The following ACSM1 variants were observed in gnomAD, a reference collection of about 807,000 sequenced individuals.
The protein encoded by ACSM1 is acyl-coenzyme A synthetase ACSM1, mitochondrial.
A neutral mutation model predicts 75.8 loss-of-function variants in ACSM1; 79 were observed. The observed-to-expected ratio is 1.04, with a 90% CI of 0.87 to 1.26. The LOEUF (loss-of-function observed/expected upper bound fraction) is 1.26. Ranked by LOEUF, ACSM1 falls within the 50% of genes most tolerant of loss-of-function variation. The pLI is 0.00. For synonymous variants in ACSM1, 279 were observed against 265.8 expected (o/e 1.05, Z -0.48); for missense variants, 676 against 720.1 (o/e 0.94, Z 0.70).
intron 1 of ACSM1, among the ~76,000 whole-genome samples, chr16:20,694,491 C>T (rs1244044295): frequency 3.9e-5 from 6 of 152,214 alleles, no homozygotes; most frequent in Admixed American, 3.3e-4. Flanking sequence ...CAACACACAC[C>T]TCCTTCCACA....
At chr16:20,625,724 C>A (rs2016885112) in intron 11 of ACSM1, among the ~76,000 whole-genome samples, 1 of 152,178 alleles carries the variant, frequency 6.6e-6, no homozygotes. Flanking sequence ...TGCGGTGCTC[C>A]CGGCTTCTTG....
intron 7 of ACSM1, among the ~76,000 whole-genome samples, chr16:20,653,986 G>A (rs1457109303): frequency 4.6e-5 from 7 of 152,154 alleles, no homozygotes; most frequent in African/African-American, 1.2e-4. Flanking sequence ...GAGGCATCGC[G>A]CTACCTGACT....
intron 1 of ACSM1, among the ~76,000 whole-genome samples, chr16:20,695,854 C>A (rs1172575327): frequency 6.6e-6 from 1 of 152,068 alleles, no homozygotes; most frequent in African/African-American, 2.4e-5. Context: ...TACATTTATA[C>A]CTATATCACT....
intron 7 of ACSM1, among the ~76,000 whole-genome samples, chr16:20,647,711 C>G (rs1567268136): frequency 1.3e-5 from 2 of 151,984 alleles, no homozygotes; most frequent in Non-Finnish European, 2.9e-5. Context: ...TGACATTTCT[C>G]TTTTACAAAA....
At chr16:20,660,594 T>G (rs540100335) in intron 7 of ACSM1, among the ~76,000 whole-genome samples, 2 of 152,326 alleles carry the variant, frequency 1.3e-5, no homozygotes, top group South Asian at 2.1e-4. Flanking sequence ...AACTTGGCTG[T>G]CATATGAGCT....
chr16:20,624,019 A>G, intron 13 of ACSM1, 77 bp downstream of exon 13: 5 of 1,579,486 alleles, frequency 3.2e-6, no homozygotes, highest in Non-Finnish European at 4.3e-6. Flanking sequence ...GCTGTTTGTT[A>G]CCTCCAGTGA....
chr16:20,636,199 T>A (rs1356919236), intron 10 of ACSM1, among the ~76,000 whole-genome samples: 1 of 152,198 alleles, frequency 6.6e-6, no homozygotes, highest in Non-Finnish European at 1.5e-5. Context: ...TTGTGGCCAT[T>A]CCTATCCTGG....
Position 20,648,974 on chromosome 16 carries a change from G to T in ACSM1, c.993-8390C>A, listed in dbSNP as rs1192842452. ...ATTGATTGAGACTTATCTCAGTATT[G>T]GTTTGTAGTATGAAAATTTCTGTAA... On this transcript the variant is annotated intron_variant, in intron 7 of 13. Coordinates refer to ENST00000520010, the MANE Select transcript of ACSM1 (RefSeq NM_001318890.3). This position sits in a 1 kb window ranked among gnomAD's most constrained non-coding sequence, Gnocchi z 4.2. 6.6e-6 allele frequency among the ~76,000 whole-genome samples: 1 copy of T among 152,144 alleles called. No individual in the cohort carries two copies. Among genetic ancestry groups the T allele is most frequent in the African/African-American group, 2.4e-5 (1 of 41,426 alleles).
chr16:20,670,109 G>A lies in ACSM1; in HGVS notation c.753-123C>T. On this transcript the variant is annotated intron_variant, in intron 5 of 13. Coordinates refer to ENST00000520010, the MANE Select transcript of ACSM1 (RefSeq NM_001318890.3). Reference sequence around the variant, plus strand: ...TCTCAGTTCATGTGATTTGTGTGGGGCTCCATACCACCCTCAGGCCAGGTC... The same window carrying A: ...TCTCAGTTCATGTGATTTGTGTGGGACTCCATACCACCCTCAGGCCAGGTC... 5.5e-6 allele frequency: 5 copies of A among 911,580 alleles called. No individual in the cohort carries two copies. The South Asian group carries it at 8.3e-5, about 15-fold the overall frequency. 56.5% of individuals were successfully genotyped at this position (911,580 alleles called of 1,614,324 possible). A position where few individuals can be genotyped will look rare whatever the true frequency, so the allele number is the denominator to read the frequency against.
chr16:20,695,589 T>C (rs1025825555), intron 1 of ACSM1, among the ~76,000 whole-genome samples: 1 of 152,024 alleles, frequency 6.6e-6, no homozygotes, highest in Non-Finnish European at 1.5e-5. Context: ...CTATCTATTA[T>C]CTATCTATCA....
intron 1 of ACSM1, among the ~76,000 whole-genome samples, chr16:20,694,130 T>TA (rs762107501): frequency 3.9e-5 from 6 of 152,238 alleles, no homozygotes; most frequent in Non-Finnish European, 7.3e-5. Context: ...TTTCACGAGT[T>TA]ACTTCCTCTT....
In ACSM1 at chr16:20,691,192, G is replaced by C; in HGVS notation, c.-4C>G. ...GGAACCTCATTAGCCACTGCATGGT[G>C]AAACAGTCCTCAGAAACCAGGCACA... On this transcript the variant is annotated 5_prime_UTR_variant, in exon 2 of 14. Coordinates refer to ENST00000520010, the MANE Select transcript of ACSM1 (RefSeq NM_001318890.3). The C allele has an allele frequency of 6.4e-7, 1 of 1,564,174 alleles. No individual in the cohort carries two copies. The highest frequency in any genetic ancestry group is 8.6e-7 in the Non-Finnish European group (1 of 1,159,354).
rs75936506 is a variant in ACSM1, at chr16:20,656,662, T to C, written c.992+5132A>G. On this transcript the variant is annotated intron_variant, in intron 7 of 13. Coordinates refer to ENST00000520010, the MANE Select transcript of ACSM1 (RefSeq NM_001318890.3). ...ACTATGAATGTTATTTATCTTTCCT[T>C]GTTTACTTCAAGGAAGCCAATATGA... Among the ~76,000 whole-genome samples, 200 of 152,276 alleles carry C rather than the reference T, an allele frequency of 1.3e-3. 4 individuals carry two copies. The East Asian group carries it at 0.035, about 27-fold the overall frequency.
At chr16:20,642,221 G>A (rs1008483458) in intron 7 of ACSM1, among the ~76,000 whole-genome samples, 1 of 152,198 alleles carries the variant, frequency 6.6e-6, no homozygotes, top group Admixed American at 6.5e-5. Flanking sequence ...AGATTTAGAT[G>A]AGGAAGAGGA....
Position 20,682,253 on chromosome 16 carries a change from CA to C in ACSM1, c.611+2del. On this transcript the variant is annotated splice_donor_variant, in intron 4 of 13. Transcript: ENST00000520010. LOFTEE classifies it high-confidence loss of function. ...GATTATATTCATCAGACCAGAGACT[CA>C]CTTAACCAGCGATCGGAAGTCCAGC... 1 of 1,612,482 alleles carries C rather than the reference CA, an allele frequency of 6.2e-7. No individual in the cohort carries two copies. Among genetic ancestry groups the C allele is most frequent in the South Asian group, 1.1e-5 (1 of 90,982 alleles).
intron 10 of ACSM1, among the ~76,000 whole-genome samples, chr16:20,627,873 T>C (rs2355929): frequency 0.39 from 2,465 of 6,372 alleles, 119 homozygotes; most frequent in South Asian, 0.46. Flanking sequence ...TGTATACATA[T>C]ATATATATAT....
intron 6 of ACSM1, among the ~76,000 whole-genome samples, chr16:20,668,352 C>T (rs929796035): frequency 2.0e-5 from 3 of 152,060 alleles, no homozygotes; most frequent in Admixed American, 2.0e-4. Context: ...CCTTTTGGGA[C>T]ACTCTCTATA....
chr16:20,683,821 G>A (rs2079498284), intron 3 of ACSM1, among the ~76,000 whole-genome samples: 1 of 151,828 alleles, frequency 6.6e-6, no homozygotes. Context: ...ACCCACCTCA[G>A]CCTCCCAAAG....
intron 1 of ACSM1, among the ~76,000 whole-genome samples, chr16:20,691,762 T>C (rs1291196375): frequency 0.011 from 438 of 41,616 alleles, 7 homozygotes; most frequent in South Asian, 0.028. Flanking sequence ...TGTGTGTGTG[T>C]GTGTGTGTGT....
Sources: allele counts gnomAD v4.1 joint callset (sites outside exome capture counted in the v4.1 genomes callset), GRCh38; gene constraint gnomAD v4.1.1; non-coding constraint Gnocchi (gnomAD v3.1); transcripts MANE v1.5; gene names NCBI Gene and HGNC (gene_info 2026-07-23, HGNC 2026-07-21).